The following NRG3 variants were observed in gnomAD, a reference collection of about 807,000 sequenced individuals.
NRG3 encodes the protein pro-neuregulin-3, membrane-bound isoform.
A neutral mutation model predicts 66.9 loss-of-function variants in NRG3; 31 were observed. The observed-to-expected ratio is 0.46, with a 90% CI of 0.35 to 0.63. The LOEUF is 0.63. Ranked by LOEUF, NRG3 falls within the 20% of genes least tolerant of loss-of-function variation. The probability of loss-of-function intolerance (pLI) is 0.00; values close to 1 mark genes in which losing one functional copy is unlikely to be tolerated. For missense variants in NRG3, 910 were observed against 878.9 expected (o/e 1.04, Z -0.45); for synonymous variants, 393 against 359.4 (o/e 1.09, Z -1.06).
At chr10:82,124,504 T>C (rs1458441228) in intron 1 of NRG3, among the ~76,000 whole-genome samples, 1 of 151,712 alleles carries the variant, frequency 6.6e-6, no homozygotes. Flanking sequence ...TTCTCACTCG[T>C]AAGTGAGGCG....
At chr10:82,710,404 G>A (rs1166290625) in intron 2 of NRG3, among the ~76,000 whole-genome samples, 2 of 151,876 alleles carry the variant, frequency 1.3e-5, no homozygotes, top group African/African-American at 4.8e-5. Context: ...TGCCCAACAT[G>A]GTAAAACCAA....
intron 4 of NRG3, among the ~76,000 whole-genome samples, chr10:82,935,036 G>A (rs954318544): frequency 6.6e-6 from 1 of 152,126 alleles, no homozygotes; most frequent in Admixed American, 6.5e-5. Context: ...TGGTGAATCA[G>A]GATTTTCCAT....
At chr10:82,779,112 C>T (rs1196090446) in intron 3 of NRG3, among the ~76,000 whole-genome samples, 2 of 152,052 alleles carry the variant, frequency 1.3e-5, no homozygotes, top group Non-Finnish European at 2.9e-5. Flanking sequence ...AGTAGCAGCA[C>T]GGACCACAGG....
intron 1 of NRG3, among the ~76,000 whole-genome samples, chr10:82,189,606 G>A (rs570670920): frequency 2.0e-4 from 31 of 152,102 alleles, no homozygotes; most frequent in African/African-American, 6.5e-4. Flanking sequence ...TCTGGCCAGC[G>A]TGGTAAAGCC....
intron 4 of NRG3, among the ~76,000 whole-genome samples, chr10:82,914,047 A>G (rs1387384682): frequency 6.6e-6 from 1 of 152,094 alleles, no homozygotes; most frequent in African/African-American, 2.4e-5. Context: ...ATCTTTAAGC[A>G]TACTGAGTCC....
intron 4 of NRG3, among the ~76,000 whole-genome samples, chr10:82,929,261 C>T (rs372220189): frequency 1.3e-5 from 2 of 152,234 alleles, no homozygotes; most frequent in African/African-American, 4.8e-5. Context: ...GAAATATCTT[C>T]TGCTTTGACA....
At chr10:82,262,559 A>G (rs780321741) in intron 1 of NRG3, among the ~76,000 whole-genome samples, 1 of 152,200 alleles carries the variant, frequency 6.6e-6, no homozygotes, top group Non-Finnish European at 1.5e-5. Context: ...GTCTAGCCTT[A>G]GTACTGCTCT....
At chr10:82,633,461 G>C (rs562487222) in intron 2 of NRG3, among the ~76,000 whole-genome samples, 10 of 152,260 alleles carry the variant, frequency 6.6e-5, no homozygotes, top group East Asian at 1.9e-4. Flanking sequence ...AAACTCATAT[G>C]TTCCAATAGA....
intron 1 of NRG3, among the ~76,000 whole-genome samples, chr10:82,121,828 G>T (rs888091241): frequency 7.2e-5 from 11 of 151,860 alleles, no homozygotes; most frequent in Non-Finnish European, 1.5e-4. Flanking sequence ...TATAGAGATG[G>T]TGTCTCACTG....
intron 2 of NRG3, among the ~76,000 whole-genome samples, chr10:82,383,427 T>TAA (rs5786549): frequency 6.6e-4 from 100 of 151,526 alleles, no homozygotes; most frequent in African/African-American, 2.1e-3. Context: ...TTTCCTTTTT[T>TAA]AAAAAAAACA....
intron 1 of NRG3, among the ~76,000 whole-genome samples, chr10:82,084,803 T>C (rs895539874): frequency 6.6e-5 from 10 of 152,096 alleles, no homozygotes; most frequent in Admixed American, 5.9e-4. Context: ...CTCTGCAAGA[T>C]TGTCAGCTCC....
Position 82,370,550 on chromosome 10 carries a change from C to T in NRG3, c.953+11682C>T, listed in dbSNP as rs150784660. On this transcript the variant is annotated intron_variant, in intron 2 of 8. Transcript: ENST00000372141. ...AAATGCCTATTCTTATTCAGGGATG[C>T]GGGCATCTAGGCTTAAAGGTGGGGC... 6.5e-3 allele frequency among the ~76,000 whole-genome samples: 950 copies of T among 146,008 alleles called. 82 individuals are homozygous for T. Among genetic ancestry groups the T allele is most frequent in the Admixed American group, 0.01 (157 of 15,030 alleles).
chr10:82,175,673 C>T (rs2072972926), intron 1 of NRG3, among the ~76,000 whole-genome samples: 1 of 152,182 alleles, frequency 6.6e-6, no homozygotes, highest in Admixed American at 6.6e-5. Flanking sequence ...TAGCTGTTCA[C>T]ATATCTTTCT....
chr10:82,808,399 G>C (rs910914108), intron 3 of NRG3, among the ~76,000 whole-genome samples: 1 of 152,072 alleles, frequency 6.6e-6, no homozygotes, highest in East Asian at 1.9e-4. Context: ...CAATAAAGGA[G>C]TCGACTCATT....
chr10:82,511,877 C>T (rs931873569), intron 2 of NRG3, among the ~76,000 whole-genome samples: 1 of 151,826 alleles, frequency 6.6e-6, no homozygotes, highest in African/African-American at 2.4e-5. Flanking sequence ...AAAAGATTTC[C>T]TTCAACTTTT....
At chr10:82,710,274 A>C (rs1347787805) in intron 2 of NRG3, among the ~76,000 whole-genome samples, 3 of 152,198 alleles carry the variant, frequency 2.0e-5, no homozygotes, top group Non-Finnish European at 4.4e-5. Flanking sequence ...ACTATTCCTC[A>C]GTATTTCTCA....
intron 2 of NRG3, among the ~76,000 whole-genome samples, chr10:82,631,391 C>T (rs982504959): frequency 2.0e-5 from 3 of 152,134 alleles, no homozygotes; most frequent in Admixed American, 2.0e-4. Context: ...CCATGCCCAT[C>T]GTCTCTATAT....
At chr10:82,513,568 G>T (rs887547357) in intron 2 of NRG3, among the ~76,000 whole-genome samples, 1 of 152,160 alleles carries the variant, frequency 6.6e-6, no homozygotes, top group African/African-American at 2.4e-5. Context: ...CATCAAGAGC[G>T]TAAAAAGCAT....
chr10:82,013,411 A>G, intron 1 of NRG3, among the ~76,000 whole-genome samples: 1 of 152,156 alleles, frequency 6.6e-6, no homozygotes, highest in East Asian at 1.9e-4. Context: ...CATATCATAA[A>G]CTTATATGGC....
Sources: gnomAD v4.1 joint callset for allele counts (sites outside exome capture counted in the v4.1 genomes callset) on GRCh38, gnomAD v4.1.1 for gene constraint, MANE v1.5 for transcripts, NCBI Gene and HGNC (gene_info 2026-07-23, HGNC 2026-07-21) for gene names.